The following BLVRA variants were observed in gnomAD, a reference collection of about 807,000 sequenced individuals.
BLVRA encodes the protein biliverdin reductase A, also known as BVR A.
BLVRA carries 22 observed loss-of-function variants against 32.8 expected under a neutral mutation model. The observed-to-expected ratio is 0.67, with a 90% CI of 0.48 to 0.96. The LOEUF (loss-of-function observed/expected upper bound fraction) is 0.96, where lower values mean the gene tolerates loss of function less well. Among genes scored for constraint, BLVRA ranks in the 40% least tolerant of loss-of-function variants. The pLI is 0.00. For missense variants in BLVRA, 323 were observed against 358.1 expected (o/e 0.90, Z 0.79); for synonymous variants, 119 against 141.3 (o/e 0.84, Z 1.12).
chr7:43,806,734 C>A (rs999982980), intron 7 of BLVRA, among the ~76,000 whole-genome samples: 1 of 151,994 alleles, frequency 6.6e-6, no homozygotes, highest in African/African-American at 2.4e-5. Flanking sequence ...GGTGACAGAG[C>A]AAGGCTCCAT....
At chr7:43,782,653 G>A (rs1434565943) in intron 2 of BLVRA, among the ~76,000 whole-genome samples, 1 of 152,090 alleles carries the variant, frequency 6.6e-6, no homozygotes, top group Non-Finnish European at 1.5e-5. Flanking sequence ...CCATATTCTG[G>A]GGACATGGGA....
At chr7:43,759,597 C>T (rs1388136119) in intron 1 of BLVRA, among the ~76,000 whole-genome samples, 2 of 152,076 alleles carry the variant, frequency 1.3e-5, no homozygotes, top group African/African-American at 2.4e-5. Flanking sequence ...AGTGACTTAG[C>T]GAACATAAAT....
At chr7:43,789,975 G>A (rs1372852462) in intron 3 of BLVRA, among the ~76,000 whole-genome samples, 3 of 151,998 alleles carry the variant, frequency 2.0e-5, no homozygotes, top group South Asian at 2.1e-4. Context: ...CTCCTACAGC[G>A]CCTAGTACAT....
At chr7:43,801,440 G>A (rs183111132) in intron 6 of BLVRA, among the ~76,000 whole-genome samples, 18 of 152,284 alleles carry the variant, frequency 1.2e-4, no homozygotes, top group Non-Finnish European at 2.4e-4. Flanking sequence ...TGGCCGTATC[G>A]TTGGGCACCT....
Position 43,791,316 on chromosome 7 carries a change from G to A in BLVRA, c.202G>A (p.Val68Met). The part of the protein sequence containing the change: ...SLEDALSSQE[V>M]EVAYICSESS... Reference sequence around the variant, plus strand: ...GGAGGATGCTCTTTCCAGCCAAGAGGTGGAGGTCGCCTATATCTGCAGTGA... The same window carrying A: ...GGAGGATGCTCTTTCCAGCCAAGAGATGGAGGTCGCCTATATCTGCAGTGA... The change falls in exon 4 of 8, where the codon GTG becomes ATG. Residue 68 changes from valine (V) to methionine (M), a missense_variant. Transcript: ENST00000265523. The A allele has an allele frequency of 6.2e-7, 1 of 1,614,202 alleles. No homozygotes were observed.
chr7:43,800,281 G>T, intron 5 of BLVRA, 184 bp from the exon 6 acceptor site: 1 of 621,052 alleles, frequency 1.6e-6, no homozygotes, highest in South Asian at 1.7e-5. Context: ...TCTGTTGTAA[G>T]CTTAGAAGTA....
At position 43,792,810 on chromosome 7, in the gene BLVRA, A is replaced by G; in HGVS notation, c.350A>G (p.Lys117Arg). 6.2e-7 allele frequency: 1 copy of G among 1,613,912 alleles called. No homozygotes were observed. Residue 117 changes from lysine to arginine, a missense_variant and splice_region_variant, in exon 5 of 8, where the codon AAA becomes AGA. Coordinates refer to ENST00000265523, the MANE Select transcript of BLVRA (RefSeq NM_000712.4). ...AQELWELAEQ[K>R]GKVLHEEHVE... ...GAACTGTGGGAGCTGGCTGAGCAGA[A>G]AGGTAATGTATCTTACCAAGAGTTT... is the stretch of plus-strand genomic sequence containing the variant.
At chr7:43,789,983 C>T (rs2095783582) in intron 3 of BLVRA, among the ~76,000 whole-genome samples, 1 of 152,054 alleles carries the variant, frequency 6.6e-6, no homozygotes, top group Non-Finnish European at 1.5e-5. Flanking sequence ...GCGCCTAGTA[C>T]ATAATAGGCA....
At position 43,792,485 on chromosome 7, in the gene BLVRA, G is replaced by A. The variant is rs116504339; in HGVS notation, c.255-230G>A. Reference sequence around the variant, plus strand: ...TAGTTGAATAAATGAATGGTTGAATGTTCAAATTAACACATAACCAGAAAG... The same window carrying A: ...TAGTTGAATAAATGAATGGTTGAATATTCAAATTAACACATAACCAGAAAG... On this transcript the variant is annotated intron_variant, in intron 4 of 7. Coordinates refer to ENST00000265523, the MANE Select transcript of BLVRA (RefSeq NM_000712.4). Among the ~76,000 whole-genome samples the A allele has an allele frequency of 2.8e-3, 427 of 152,328 alleles. 1 individual carries two copies. Among genetic ancestry groups the A allele is most frequent in the African/African-American group, 9.6e-3 (400 of 41,570 alleles).
rs1000046450 is a variant in BLVRA, at chr7:43,758,753, A to ACGGGGGTCGCGCGCAGGGGAG, written c.-22+34_-22+54dup. On this transcript the variant is annotated intron_variant, in intron 1 of 7. Transcript: ENST00000265523. ...GCGTCAGGTGAGGCGCGCGCGGGGA[A>ACGGGGGTCGCGCGCAGGGGAG]CGGGGGTCGCGCGCAGGGGAGCGGG... 1 of 151,236 alleles carries ACGGGGGTCGCGCGCAGGGGAG rather than the reference A, an allele frequency of 6.6e-6. No individual in the cohort carries two copies. Among genetic ancestry groups the ACGGGGGTCGCGCGCAGGGGAG allele is most frequent in the Non-Finnish European group, 1.5e-5 (1 of 67,778 alleles). 9.4% of individuals were successfully genotyped at this position (151,236 alleles called of 1,614,324 possible).
rs779568837 is a variant in BLVRA at position 43,787,973 on chromosome 7, C to G, written c.82C>G (p.Arg28Gly). The change falls in exon 3 of 8, where the codon CGG becomes GGG. Residue 28 changes from arginine (R) to glycine (G), a missense_variant. Physicochemically the swap from Arg to Gly is moderately radical, Grantham distance 125 (BLOSUM62 -2). Transcript: ENST00000265523. This position sits in a 1 kb window ranked among gnomAD's most constrained non-coding sequence, Gnocchi z 4.5. ...CGGCTCCGTGCGGATGAGGGACTTG[C>G]GGAATCCACACCCTTCCTCAGCGTT... ...RAGSVRMRDL[R>G]NPHPSSAFLN... 9.9e-6 allele frequency: 16 copies of G among 1,614,040 alleles called. No individual in the cohort carries two copies. Among genetic ancestry groups the G allele is most frequent in the South Asian group, 4.4e-5 (4 of 91,070 alleles).
In BLVRA at chr7:43,787,327, T is replaced by C. The variant is rs2095778989; in HGVS notation, c.13-577T>C. Reference sequence around the variant, plus strand: ...ACTGTTCACATACAGCCTCCAGCAGTGCACTTAAATAATATTTAAGATACT... The same window carrying C: ...ACTGTTCACATACAGCCTCCAGCAGCGCACTTAAATAATATTTAAGATACT... On this transcript the variant is annotated intron_variant, in intron 2 of 7. Transcript: ENST00000265523. This position sits in a 1 kb window ranked among gnomAD's most constrained non-coding sequence, Gnocchi z 4.5. Among the ~76,000 whole-genome samples the C allele has an allele frequency of 6.6e-6, 1 of 152,190 alleles. No homozygotes were observed. Among genetic ancestry groups the C allele is most frequent in the South Asian group, 2.1e-4 (1 of 4,826 alleles).
chr7:43,802,955 T>C (rs1490745211), intron 6 of BLVRA, among the ~76,000 whole-genome samples: 1 of 152,110 alleles, frequency 6.6e-6, no homozygotes, highest in African/African-American at 2.4e-5. Context: ...TTGGCCAGGC[T>C]AGTCTCGAAC....
At chr7:43,782,694 G>A (rs182208493) in intron 2 of BLVRA, among the ~76,000 whole-genome samples, 4 of 152,190 alleles carry the variant, frequency 2.6e-5, no homozygotes, top group African/African-American at 4.8e-5. Context: ...TGAAGACTGA[G>A]CTTTGGGAAA....
At chr7:43,771,059 G>A in intron 1 of BLVRA, 79 bp from the exon 2 acceptor site, 1 of 1,214,262 alleles carries the variant, frequency 8.2e-7, no homozygotes, top group South Asian at 1.2e-5. Flanking sequence ...GGGGGAGCAT[G>A]GGGTGGCAAA....
chr7:43,784,580 C>T (rs946914776), intron 2 of BLVRA, among the ~76,000 whole-genome samples: 5 of 151,130 alleles, frequency 3.3e-5, no homozygotes, highest in African/African-American at 1.2e-4. Flanking sequence ...ATTAAGATAC[C>T]AGTGTCTTCA....
chr7:43,762,606 CTTTTTTTTTT>C (rs1162480081), intron 1 of BLVRA, among the ~76,000 whole-genome samples: 1 of 100,870 alleles, frequency 9.9e-6, no homozygotes, highest in East Asian at 3.1e-4. Flanking sequence ...CCAGTAGTTC[CTTTTTTTTTT>C]TTTTTTTTTT....
intron 2 of BLVRA, among the ~76,000 whole-genome samples, chr7:43,782,443 G>T (rs1277560684): frequency 1.3e-5 from 2 of 152,192 alleles, no homozygotes; most frequent in African/African-American, 4.8e-5. Context: ...ACTGGCTTTT[G>T]CCCAGAAGTT....
At chr7:43,802,505 T>A (rs761641948) in intron 6 of BLVRA, among the ~76,000 whole-genome samples, 2 of 152,106 alleles carry the variant, frequency 1.3e-5, no homozygotes, top group Non-Finnish European at 2.9e-5. Context: ...TTTATATATA[T>A]ATATTTTTTT....
Sources: gnomAD v4.1 joint callset for allele counts (sites outside exome capture counted in the v4.1 genomes callset) on GRCh38, gnomAD v4.1.1 for gene constraint, Gnocchi (gnomAD v3.1) non-coding constraint, MANE v1.5 for transcripts, NCBI Gene and HGNC (gene_info 2026-07-23, HGNC 2026-07-21) for gene names.